Variants in ERCC6 observed in about 807,000 individuals in gnomAD.
The protein encoded by ERCC6 is ERCC excision repair 6, chromatin remodeling factor.
ERCC6 carries 116 observed loss-of-function variants against 158.7 expected under a neutral mutation model. The observed-to-expected ratio is 0.73, with a 90% CI of 0.63 to 0.85. The LOEUF (loss-of-function observed/expected upper bound fraction) is 0.85. Among genes scored for constraint, ERCC6 ranks in the 40% least tolerant of loss-of-function variants. The pLI is 0.00. For synonymous variants in ERCC6, 678 were observed against 659.3 expected (o/e 1.03, Z -0.43); for missense variants, 1,698 against 1,799.4 (o/e 0.94, Z 1.02).
At position 49,483,450 on chromosome 10, in the gene ERCC6, A is replaced by G. The variant is rs747204355; in HGVS notation, c.1888T>C (p.Leu630=). 18 of 1,613,768 alleles carry G rather than the reference A, an allele frequency of 1.1e-5. No individual in the cohort carries two copies. The highest frequency in any genetic ancestry group is 5.0e-5 in the Admixed American group (3 of 60,012). The change falls in exon 9 of 21, where the codon TTG becomes CTG. Residue 630 remains leucine (L), a synonymous_variant. Transcript: ENST00000355832. ...ILITSYSYIR[L]MQDDISRYDW... ...TACCTGCTAATGTCATCCTGCATCA[A>G]TCGAATGTAGGAGTAAGATGTGATC... is the stretch of plus-strand genomic sequence containing the variant.
At chr10:49,498,498 G>T in intron 7 of ERCC6, among the ~76,000 whole-genome samples, 1 of 152,158 alleles carries the variant, frequency 6.6e-6, no homozygotes, top group East Asian at 1.9e-4. Flanking sequence ...ACATATGAGC[G>T]GGGGGGACCA....
At position 49,463,399 on chromosome 10, in the gene ERCC6, T is replaced by C. The variant is rs4253213; in HGVS notation, c.3779-1843A>G. Among the ~76,000 whole-genome samples the C allele has an allele frequency of 2.3e-3, 354 of 152,276 alleles. 5 individuals are homozygous for C. The East Asian group carries it at 0.036, about 15-fold the overall frequency. Reference sequence around the variant, plus strand: ...TTAGATTTCAGGTTTTGGGTCAACATAGCAGAGCACTCTAGCAATAAAAAT... The same window carrying C: ...TTAGATTTCAGGTTTTGGGTCAACACAGCAGAGCACTCTAGCAATAAAAAT... On this transcript the variant is annotated intron_variant, in intron 18 of 20. Coordinates refer to ENST00000355832, the MANE Select transcript of ERCC6 (RefSeq NM_000124.4).
At chr10:49,490,772 A>G (rs1851162054) in intron 8 of ERCC6, among the ~76,000 whole-genome samples, 2 of 152,230 alleles carry the variant, frequency 1.3e-5, no homozygotes, top group South Asian at 4.1e-4. Flanking sequence ...TTCTAAAGAG[A>G]AATTCTCTTC....
At chr10:49,465,453 T>C (rs1850658071) in intron 18 of ERCC6, among the ~76,000 whole-genome samples, 1 of 152,018 alleles carries the variant, frequency 6.6e-6, no homozygotes, top group Admixed American at 6.6e-5. Context: ...CTGAAATGAG[T>C]TGAGACTTTA....
At chr10:49,478,019 C>T (rs981297529) in intron 11 of ERCC6, among the ~76,000 whole-genome samples, 5 of 152,220 alleles carry the variant, frequency 3.3e-5, no homozygotes, top group African/African-American at 4.8e-5. Context: ...GAGAACAAAA[C>T]TTGCTTTGTT....
Position 49,532,835 on chromosome 10 carries a change from ACTC to A in ERCC6, c.127_129del (p.Glu43del), listed in dbSNP as rs751610688. 6 of 1,613,840 alleles carry A rather than the reference ACTC, an allele frequency of 3.7e-6. No homozygotes were observed. The South Asian group carries it at 5.5e-5, about 15-fold the overall frequency. ...TCACCCACAGAACGAAAGGAGAGGTACTCCTCCACCTCCCCATCACCACCACTT... is the reference window on the plus strand; with the variant it reads ...TCACCCACAGAACGAAAGGAGAGGTACTCCACCTCCCCATCACCACCACTT... On this transcript the variant is annotated inframe_deletion, in exon 2 of 21. Coordinates refer to ENST00000355832, the MANE Select transcript of ERCC6 (RefSeq NM_000124.4).
rs146616092 is a variant in ERCC6, at chr10:49,512,038, G to A, written c.1398-6026C>T. ...TAAATTTCAGATGCTATAACAGTTG[G>A]CAGATTACACAAAAAGATTGAGAAA... On this transcript the variant is annotated intron_variant, in intron 5 of 20. Transcript: ENST00000355832. Among the ~76,000 whole-genome samples the A allele has an allele frequency of 5.8e-3, 887 of 152,248 alleles. 8 individuals carry two copies. The highest frequency in any genetic ancestry group is 0.02 in the African/African-American group (842 of 41,538).
the ERCC6 span, among the ~76,000 whole-genome samples, chr10:49,445,466 G>C: frequency 6.6e-6 from 1 of 152,126 alleles, no homozygotes; most frequent in Non-Finnish European, 1.5e-5. Context: ...GAACTATAAA[G>C]ATAATCCAGC....
In ERCC6 at chr10:49,505,979, C is replaced by T. The variant is rs941851293; in HGVS notation, c.1431G>A (p.Glu477=). Residue 477 remains glutamate, a synonymous_variant, in exon 6 of 21, where the codon GAG becomes GAA. Transcript: ENST00000355832. ...RWNKLRLQDK[E]KRLKLEDDSE... ...AATCGTCCTCCAGCTTCAGACGTTT[C>T]TCTTTGTCCTGCAGTCTCAGTTTAT... 6.2e-7 allele frequency: 1 copy of T among 1,613,450 alleles called. No individual in the cohort carries two copies. Among genetic ancestry groups the T allele is most frequent in the Non-Finnish European group, 8.5e-7 (1 of 1,179,556 alleles).
chr10:49,449,137 CA>C, the ERCC6 span, among the ~76,000 whole-genome samples: 2 of 152,220 alleles, frequency 1.3e-5, no homozygotes, highest in African/African-American at 2.4e-5. Flanking sequence ...CTCTTGTCAA[CA>C]CTTGTTACTA....
the ERCC6 span, among the ~76,000 whole-genome samples, chr10:49,443,097 G>A: frequency 6.6e-5 from 10 of 152,164 alleles, no homozygotes; most frequent in South Asian, 2.1e-4. Flanking sequence ...CTGCCTTTGC[G>A]TAAATGACGT....
intron 8 of ERCC6, among the ~76,000 whole-genome samples, chr10:49,491,799 C>A (rs1264187638): frequency 1.3e-5 from 2 of 152,090 alleles, no homozygotes; most frequent in African/African-American, 4.8e-5. Context: ...CAAACATCAG[C>A]TAATGAGTCC....
chr10:49,461,911 A>G (rs1850590229), intron 18 of ERCC6, among the ~76,000 whole-genome samples: 1 of 152,212 alleles, frequency 6.6e-6, no homozygotes, highest in Non-Finnish European at 1.5e-5. Flanking sequence ...AAGATAGACT[A>G]TCAGACTTAA....
chr10:49,524,483 T>C lies in ERCC6; in HGVS notation c.947A>G (p.Lys316Arg), dbSNP rs1837261211. Reference protein sequence around the residue: ...APVQNKNKPNKKARVLSKKEE... With the variant: ...APVQNKNKPNRKARVLSKKEE... ...TTTTTTGGACAGAACTCTGGCTTTC[T>C]TGTTTGGTTTGTTTTTATTTTGCAC... Residue 316 changes from lysine to arginine, a missense_variant, in exon 5 of 21, where the codon AAG becomes AGG. Transcript: ENST00000355832. The C allele has an allele frequency of 3.1e-6, 5 of 1,614,252 alleles. 1 individual carries two copies. The East Asian group carries it at 1.1e-4, about 36-fold the overall frequency.
At chr10:49,460,196 A>G in intron 20 of ERCC6, 177 bp downstream of exon 20, 1 of 651,906 alleles carries the variant, frequency 1.5e-6, no homozygotes, top group East Asian at 2.7e-5. Flanking sequence ...TTAGGAAATC[A>G]GCAGGTCCTT....
chr10:49,487,913 C>T (rs910424324), intron 8 of ERCC6, among the ~76,000 whole-genome samples: 1 of 152,124 alleles, frequency 6.6e-6, no homozygotes, highest in African/African-American at 2.4e-5. Context: ...AAAATATAAT[C>T]TCCACTTAGC....
At position 49,473,637 on chromosome 10, in the gene ERCC6, G is replaced by GT. The variant is rs749142673; in HGVS notation, c.2599-51dup. ...TTTGCAAAGCAAATACACATTCCCA[G>GT]TGAGTGCTTCTCTATTTGTGTAAAT... On this transcript the variant is annotated intron_variant, in intron 13 of 20. Coordinates refer to ENST00000355832, the MANE Select transcript of ERCC6 (RefSeq NM_000124.4). 4.0e-6 allele frequency: 4 copies of GT among 992,668 alleles called. No individual in the cohort carries two copies. In the East Asian group the frequency reaches 9.5e-5, roughly 24 times the overall value. 61.5% of individuals were successfully genotyped at this position (992,668 alleles called of 1,614,324 possible).
In ERCC6 at chr10:49,493,118, T is replaced by A. The variant is rs200832611; in HGVS notation, c.1820A>T (p.Lys607Met). Residue 607 changes from lysine to methionine, a missense_variant and splice_region_variant, in exon 8 of 21, where the codon AAG (lysine) becomes ATG (methionine). By Grantham distance (95) the Lys-to-Met change is moderately conservative. Coordinates refer to ENST00000355832, the MANE Select transcript of ERCC6 (RefSeq NM_000124.4). ...AAAGGTACTGAAATATTGTGTTACC[T>A]TTTTGTGGGTATAGGAACCGGTTTC... is the stretch of plus-strand genomic sequence containing the variant. ...LHETGSYTHK[K>M]EKLIRDVAHC... 2.1e-4 allele frequency: 343 copies of A among 1,613,664 alleles called. No individual in the cohort carries two copies. Among genetic ancestry groups the A allele is most frequent in the Non-Finnish European group, 2.8e-4 (328 of 1,179,704 alleles).
downstream of ERCC6, among the ~76,000 whole-genome samples, chr10:49,451,742 C>A (rs1850422151): frequency 6.6e-6 from 1 of 152,074 alleles, no homozygotes; most frequent in Non-Finnish European, 1.5e-5. Context: ...TATCTTTGAG[C>A]AGTTTTGTTA....
Sources: gnomAD v4.1 joint callset for allele counts (sites outside exome capture counted in the v4.1 genomes callset) on GRCh38, gnomAD v4.1.1 for gene constraint, MANE v1.5 for transcripts, NCBI Gene and HGNC (gene_info 2026-07-23, HGNC 2026-07-21) for gene names.